Variants in SORBS2 observed in about 807,000 individuals in gnomAD.
The protein encoded by SORBS2 is sorbin and SH3 domain-containing protein 2.
Under a neutral mutation model 97.7 loss-of-function variants are expected in SORBS2, and 46 were observed. That is an observed-to-expected ratio of 0.47 (90% CI 0.37 to 0.60). SORBS2 has a LOEUF of 0.60. Among genes scored for constraint, SORBS2 ranks in the 20% least tolerant of loss-of-function variants. The pLI is 0.00. For synonymous variants in SORBS2, 476 were observed against 473.4 expected, an observed-to-expected ratio of 1.01 and a Z score of -0.07; for missense variants, 1,316 against 1,282.3, an observed-to-expected ratio of 1.03 and a Z score of -0.40.
At chr4:185,626,161 C>T (rs1021570824) in intron 6 of SORBS2, among the ~76,000 whole-genome samples, 6 of 152,186 alleles carry the variant, frequency 3.9e-5, no homozygotes, top group African/African-American at 1.4e-4. Context: ...GCTCCCTACA[C>T]TTGCAGAGAG....
At chr4:185,699,979 A>T (rs2098236870) in intron 2 of SORBS2, among the ~76,000 whole-genome samples, 1 of 152,196 alleles carries the variant, frequency 6.6e-6, no homozygotes, top group Non-Finnish European at 1.5e-5. Context: ...CCCTGTTCCG[A>T]CTGTGTCTGC....
At chr4:185,782,289 T>A (rs146944940) in intron 1 of SORBS2, among the ~76,000 whole-genome samples, 1 of 152,386 alleles carries the variant, frequency 6.6e-6, no homozygotes, top group African/African-American at 2.4e-5. Flanking sequence ...GTTTAGAAGC[T>A]GTCTTAAGAG....
intron 2 of SORBS2, among the ~76,000 whole-genome samples, chr4:185,724,468 C>G: frequency 6.6e-6 from 1 of 152,214 alleles, no homozygotes; most frequent in South Asian, 2.1e-4. Context: ...ATGGGCCAAC[C>G]GGTGATGAGA....
chr4:185,709,983 G>C (rs982956751), intron 2 of SORBS2: 14 of 151,938 alleles, frequency 9.2e-5, no homozygotes, highest in African/African-American at 2.7e-4. Context: ...TGCCTTTCTG[G>C]CTACATTGGT....
chr4:185,946,483 G>C (rs890105564), intron 1 of SORBS2, among the ~76,000 whole-genome samples: 4 of 152,180 alleles, frequency 2.6e-5, no homozygotes, highest in Non-Finnish European at 5.9e-5. Context: ...AACTTGAGAT[G>C]AGAGTTAGAC....
rs114312141 is a variant in SORBS2, at chr4:185,779,247, G to A, written c.-337-3881C>T. Among the ~76,000 whole-genome samples, 115 of 152,280 alleles carry A rather than the reference G, an allele frequency of 7.6e-4. 1 individual carries two copies. The highest frequency in any genetic ancestry group is 2.6e-3 in the African/African-American group (108 of 41,548). ...CGAATCCTCATCCTGCCACTTACGCGTGGCTGTGGCTGTAGGTCACTTACT... is the reference window on the plus strand; with the variant it reads ...CGAATCCTCATCCTGCCACTTACGCATGGCTGTGGCTGTAGGTCACTTACT... On this transcript the variant is annotated intron_variant, in intron 1 of 20. Coordinates refer to the SORBS2 transcript ENST00000284776.
chr4:185,773,804 A>C (rs548685827), intron 2 of SORBS2: 1 of 152,382 alleles, frequency 6.6e-6, no homozygotes, highest in South Asian at 2.1e-4. Flanking sequence ...CTTTCTTCAC[A>C]ATGAAGAGAA....
exon 7 of SORBS2, chr4:185,624,383 G>T (rs761101838): frequency 3.7e-6 from 6 of 1,614,070 alleles, no homozygotes; most frequent in Admixed American, 3.3e-5. Flanking sequence ...TGAGTCCCGA[G>T]GGACATCCAA....
chr4:185,894,336 A>G (rs1323939012), intron 1 of SORBS2: 1 of 152,190 alleles, frequency 6.6e-6, no homozygotes, highest in African/African-American at 2.4e-5. Context: ...CAGAACATCA[A>G]AATTAGATTT....
chr4:185,611,897 G>A (rs1337449221), exon 12 of SORBS2: 1 of 1,613,698 alleles, frequency 6.2e-7, no homozygotes, highest in Non-Finnish European at 8.5e-7. Flanking sequence ...AGGAAACAGG[G>A]AAGATGCCTT....
chr4:185,629,880 T>A (rs2096879036), intron 5 of SORBS2, among the ~76,000 whole-genome samples: 1 of 152,210 alleles, frequency 6.6e-6, no homozygotes, highest in East Asian at 1.9e-4. Context: ...TAATATTTTT[T>A]AAAAAGTGTG....
intron 12 of SORBS2, among the ~76,000 whole-genome samples, chr4:185,601,075 T>C (rs1184935734): frequency 6.6e-6 from 1 of 152,188 alleles, no homozygotes; most frequent in Non-Finnish European, 1.5e-5. Flanking sequence ...CACGCTTAAA[T>C]AAAAGCATGT....
intron 1 of SORBS2, among the ~76,000 whole-genome samples, chr4:185,848,345 C>G (rs1047003128): frequency 2.6e-5 from 4 of 152,112 alleles, no homozygotes; most frequent in Non-Finnish European, 4.4e-5. Context: ...AGTTATTGGA[C>G]AAGGAATGGT....
rs187691194 is a variant in SORBS2, at chr4:185,929,942, G to A, written c.-338+26254C>T. 2.5e-3 allele frequency among the ~76,000 whole-genome samples: 387 copies of A among 152,296 alleles called. 3 individuals are homozygous for A. The highest frequency in any genetic ancestry group is 8.9e-3 in the African/African-American group (369 of 41,566). ...CTTGGGCAGTTTATTTCACTCTCAAGCCTCAGCTCAGCCATGGATAAAATG... is the reference window on the plus strand; with the variant it reads ...CTTGGGCAGTTTATTTCACTCTCAAACCTCAGCTCAGCCATGGATAAAATG... On this transcript the variant is annotated intron_variant, in intron 1 of 20. Coordinates refer to the SORBS2 transcript ENST00000284776.
At chr4:185,852,573 T>C (rs889882876) in intron 1 of SORBS2, among the ~76,000 whole-genome samples, 5 of 152,236 alleles carry the variant, frequency 3.3e-5, no homozygotes, top group Admixed American at 3.3e-4. Flanking sequence ...TGTAGCTTTC[T>C]AGAGATTTCC....
intron 1 of SORBS2, among the ~76,000 whole-genome samples, chr4:185,907,182 C>T (rs1048815528): frequency 1.3e-5 from 2 of 151,660 alleles, no homozygotes; most frequent in Non-Finnish European, 2.9e-5. Context: ...ATTTGTTGTC[C>T]ATCTATTCCA....
chr4:185,600,588 C>T (rs2096239660), intron 12 of SORBS2, among the ~76,000 whole-genome samples: 1 of 152,194 alleles, frequency 6.6e-6, no homozygotes, highest in South Asian at 2.1e-4. Context: ...ATCTGCCTGC[C>T]TCGGGCTCCC....
intron 1 of SORBS2, among the ~76,000 whole-genome samples, chr4:185,909,006 A>T (rs2099253314): frequency 6.6e-6 from 1 of 151,924 alleles, no homozygotes; most frequent in Non-Finnish European, 1.5e-5. Flanking sequence ...AGAAAAAATA[A>T]ATTTGGTATA....
chr4:185,626,865 T>C, exon 6 of SORBS2: 1 of 1,614,256 alleles, frequency 6.2e-7, no homozygotes, highest in Non-Finnish European at 8.5e-7. Context: ...GGAGAAGAGC[T>C]AGTGAAAGAC....
Sources: gnomAD v4.1 joint callset for allele counts (sites outside exome capture counted in the v4.1 genomes callset) on GRCh38, gnomAD v4.1.1 for gene constraint, MANE v1.5 for transcripts, NCBI Gene and HGNC (gene_info 2026-07-23, HGNC 2026-07-21) for gene names.